Variants in ARB2A observed in about 807,000 individuals in gnomAD.
The protein encoded by ARB2A is cotranscriptional regulator ARB2A.
the ARB2A span, among the ~76,000 whole-genome samples, chr5:93,969,957 G>A: frequency 6.6e-6 from 1 of 151,926 alleles, no homozygotes; most frequent in African/African-American, 2.4e-5. Context: ...TGTAATACAC[G>A]ATAATATATA....
chr5:93,723,671 G>A, the ARB2A span, among the ~76,000 whole-genome samples: 1 of 151,972 alleles, frequency 6.6e-6, no homozygotes, highest in African/African-American at 2.4e-5. Context: ...TATACAAGGA[G>A]CTAGTTATAC....
the ARB2A span, among the ~76,000 whole-genome samples, chr5:93,853,414 T>C: frequency 6.6e-6 from 1 of 152,186 alleles, no homozygotes; most frequent in African/African-American, 2.4e-5. Context: ...CACGGACAAT[T>C]TGACTTCCTC....
the ARB2A span, among the ~76,000 whole-genome samples, chr5:93,941,472 C>T: frequency 2.6e-5 from 4 of 152,074 alleles, no homozygotes; most frequent in South Asian, 2.1e-4. Flanking sequence ...TTTTTATGTT[C>T]GCCTTCTATG....
the ARB2A span, among the ~76,000 whole-genome samples, chr5:93,829,129 A>G: frequency 5.3e-5 from 8 of 152,272 alleles, no homozygotes; most frequent in South Asian, 2.1e-4. Flanking sequence ...CAGACTCCTC[A>G]GTGTGACATT....
At chr5:93,629,182 G>A in the ARB2A span, among the ~76,000 whole-genome samples, 231 of 152,244 alleles carry the variant, frequency 1.5e-3, 1 homozygote, top group African/African-American at 5.1e-3. Flanking sequence ...GGTAAGAGAC[G>A]GCGGAATGGC....
At chr5:93,895,036 G>A in the ARB2A span, among the ~76,000 whole-genome samples, 3 of 152,182 alleles carry the variant, frequency 2.0e-5, no homozygotes, top group South Asian at 6.2e-4. Flanking sequence ...TGATAATAAA[G>A]GCAAATGCGA....
At chr5:93,960,253 C>T in the ARB2A span, among the ~76,000 whole-genome samples, 1 of 151,992 alleles carries the variant, frequency 6.6e-6, no homozygotes, top group Non-Finnish European at 1.5e-5. Flanking sequence ...GCAAAAATGG[C>T]AATTATTTCA....
At chr5:93,794,696 G>T in the ARB2A span, among the ~76,000 whole-genome samples, 3 of 152,154 alleles carry the variant, frequency 2.0e-5, no homozygotes, top group Non-Finnish European at 4.4e-5. Flanking sequence ...TCTGGGTCTA[G>T]ACACCCAGCA....
the ARB2A span, chr5:93,881,795 A>G: frequency 1.8e-6 from 1 of 563,536 alleles, no homozygotes; most frequent in Non-Finnish European, 2.9e-6. Context: ...ATAGTTGCAT[A>G]TTCATTAAAA....
the ARB2A span, among the ~76,000 whole-genome samples, chr5:94,067,865 C>T: frequency 1.3e-5 from 2 of 152,136 alleles, no homozygotes; most frequent in Admixed American, 6.5e-5. Context: ...ATAGCCAAAA[C>T]AATGTGAGCA....
the ARB2A span, among the ~76,000 whole-genome samples, chr5:93,874,365 C>T: frequency 6.6e-6 from 1 of 152,076 alleles, no homozygotes; most frequent in Non-Finnish European, 1.5e-5. Flanking sequence ...TGGGACTGGT[C>T]ACCAGAAAGA....
chr5:93,689,315 T>C, the ARB2A span, among the ~76,000 whole-genome samples: 1 of 152,200 alleles, frequency 6.6e-6, no homozygotes, highest in South Asian at 2.1e-4. Flanking sequence ...CTGTACTTGT[T>C]GTGAAGGTTG....
chr5:93,935,589 G>A, the ARB2A span, among the ~76,000 whole-genome samples: 2 of 152,176 alleles, frequency 1.3e-5, no homozygotes, highest in East Asian at 3.8e-4. Flanking sequence ...GCCAAAATAT[G>A]AATTAATGAT....
the ARB2A span, among the ~76,000 whole-genome samples, chr5:93,807,941 G>A: frequency 6.6e-6 from 1 of 152,110 alleles, no homozygotes; most frequent in Admixed American, 6.6e-5. Context: ...GATGAACTCA[G>A]TGTAACACTG....
At chr5:94,088,254 T>C in the ARB2A span, among the ~76,000 whole-genome samples, 1 of 152,196 alleles carries the variant, frequency 6.6e-6, no homozygotes, top group Non-Finnish European at 1.5e-5. Context: ...CAAACGGAAC[T>C]AGTATTTTGA....
At chr5:94,022,230 C>A in the ARB2A span, among the ~76,000 whole-genome samples, 2 of 152,088 alleles carry the variant, frequency 1.3e-5, no homozygotes, top group African/African-American at 4.8e-5. Context: ...CTTCCAGAAT[C>A]AAAGGATGAT....
the ARB2A span, among the ~76,000 whole-genome samples, chr5:93,981,361 G>A: frequency 6.6e-6 from 1 of 151,932 alleles, no homozygotes; most frequent in African/African-American, 2.4e-5. Context: ...GAGCCACCAT[G>A]CCCAGTCCTG....
chr5:93,736,811 T>C, the ARB2A span: 1 of 152,148 alleles, frequency 6.6e-6, no homozygotes, highest in Non-Finnish European at 1.5e-5. Flanking sequence ...TTCCTCAACA[T>C]GTAGAGTACG....
chr5:93,785,325 C>T, the ARB2A span, among the ~76,000 whole-genome samples: 1 of 152,070 alleles, frequency 6.6e-6, no homozygotes, highest in Admixed American at 6.6e-5. Flanking sequence ...GTTAAAATAT[C>T]ATAAATACTA....
Sources: gnomAD v4.1 joint callset for allele counts (sites outside exome capture counted in the v4.1 genomes callset) on GRCh38, gnomAD v4.1.1 for gene constraint, MANE v1.5 for transcripts, NCBI Gene and HGNC (gene_info 2026-07-23, HGNC 2026-07-21) for gene names.